Variants in RFX7 observed in about 807,000 individuals in gnomAD.
RFX7 encodes the protein regulatory factor X7.
A neutral mutation model predicts 111.8 loss-of-function variants in RFX7; 26 were observed. That is an observed-to-expected ratio of 0.23 (90% CI 0.17 to 0.32). The LOEUF (loss-of-function observed/expected upper bound fraction) is 0.32. Ranked by LOEUF, RFX7 falls within the 10% of genes least tolerant of loss-of-function variation. RFX7 has a pLI of 1.00. For missense variants in RFX7, 1,573 were observed against 1,772.9 expected (o/e 0.89, Z 2.02); for synonymous variants, 624 against 624.4 (o/e 1.00, Z 0.01).
chr15:56,222,110 C>T (rs2043432687), intron 2 of RFX7, among the ~76,000 whole-genome samples: 2 of 152,146 alleles, frequency 1.3e-5, no homozygotes, highest in Admixed American at 1.3e-4. Context: ...ATTTTGTTTA[C>T]ATTTCAGAAA....
intron 5 of RFX7, among the ~76,000 whole-genome samples, chr15:56,111,552 T>C (rs1273274771): frequency 1.3e-5 from 2 of 151,104 alleles, no homozygotes; most frequent in African/African-American, 2.4e-5. Flanking sequence ...CCAGAGACCT[T>C]TGTTCACTTG....
chr15:56,097,682 G>C (rs1277822383), intron 9 of RFX7, among the ~76,000 whole-genome samples: 1 of 135,700 alleles, frequency 7.4e-6, no homozygotes, highest in African/African-American at 2.7e-5. Context: ...AGGAGGTGGA[G>C]GTTGCAGTGA....
intron 2 of RFX7, among the ~76,000 whole-genome samples, chr15:56,232,792 C>T (rs779040549): frequency 1.1e-4 from 16 of 152,138 alleles, no homozygotes; most frequent in Admixed American, 4.6e-4. Context: ...TAAAATGCTG[C>T]CAGTATCTTT....
At chr15:56,107,685 CAG>C (rs2041850004) in intron 5 of RFX7, among the ~76,000 whole-genome samples, 1 of 152,136 alleles carries the variant, frequency 6.6e-6, no homozygotes, top group South Asian at 2.1e-4. Context: ...GGAACTTGCA[CAG>C]AGAGGTGCAC....
chr15:56,238,323 T>A (rs1037130156), intron 2 of RFX7, among the ~76,000 whole-genome samples: 12 of 152,176 alleles, frequency 7.9e-5, no homozygotes, highest in Admixed American at 6.5e-4. Context: ...CATAAGAAAG[T>A]AAAACAAAAT....
chr15:56,114,446 A>T lies in RFX7; in HGVS notation c.402-10776T>A, dbSNP rs139560857. Among the ~76,000 whole-genome samples the T allele has an allele frequency of 1.0e-3, 159 of 151,752 alleles. No homozygotes were observed. In the East Asian group the frequency reaches 0.014, roughly 13 times the overall value. ...AAAAAAACAAACAACAACAACAAAA[A>T]AACAACAGAAAAGGAAAAGAAAAAG... On this transcript the variant is annotated intron_variant, in intron 5 of 9. Coordinates refer to ENST00000559447, the MANE Select transcript of RFX7 (RefSeq NM_022841.7).
At chr15:56,115,938 G>C (rs1473461174) in intron 5 of RFX7, among the ~76,000 whole-genome samples, 2 of 139,018 alleles carry the variant, frequency 1.4e-5, no homozygotes, top group African/African-American at 2.6e-5. Context: ...GCGAGACTCC[G>C]TCTCAAAAAA....
At chr15:56,137,307 T>G (rs1365228945) in intron 5 of RFX7, among the ~76,000 whole-genome samples, 1 of 152,232 alleles carries the variant, frequency 6.6e-6, no homozygotes, top group Admixed American at 6.5e-5. Context: ...GTTATTGGTC[T>G]ATTCAGATAT....
At chr15:56,243,042 T>TCCCCCCCCCCCC in intron 2 of RFX7, 83 bp downstream of exon 2, 3 of 543,104 alleles carry the variant, frequency 5.5e-6, no homozygotes, top group Admixed American at 2.5e-5. Flanking sequence ...CCTCCTCCGC[T>TCCCCCCCCCCCC]CCCCCCGCCC....
intron 2 of RFX7, among the ~76,000 whole-genome samples, chr15:56,185,683 C>G (rs2043031087): frequency 6.6e-6 from 1 of 152,098 alleles, no homozygotes; most frequent in Non-Finnish European, 1.5e-5. Flanking sequence ...GTCTTAAGCT[C>G]TACTCTGCTG....
rs534253635 is a variant in RFX7, at chr15:56,109,689, T to C, written c.402-6019A>G. 2.0e-3 allele frequency among the ~76,000 whole-genome samples: 298 copies of C among 150,934 alleles called. 2 individuals carry two copies. The highest frequency in any genetic ancestry group is 6.2e-3 in the African/African-American group (252 of 40,954). ...TCGTCTGAGATGCGGGGAGCGCCTCTGCCCTGTCGCCCCGTCCGGGATGTG... is the reference window on the plus strand; with the variant it reads ...TCGTCTGAGATGCGGGGAGCGCCTCCGCCCTGTCGCCCCGTCCGGGATGTG... On this transcript the variant is annotated intron_variant, in intron 5 of 9. Coordinates refer to ENST00000559447, the MANE Select transcript of RFX7 (RefSeq NM_022841.7).
At position 56,093,475 on chromosome 15, in the gene RFX7, GCTT is replaced by G. The variant is rs2041622687; in HGVS notation, c.4250_4252del (p.Glu1417del). The stretch of plus-strand genomic sequence containing the variant: ...GTCATTCTTTAATTCTTCCAGTGTA[GCTT>G]CATCATCTTGTCCCTGCTGACGACC... On this transcript the variant is annotated inframe_deletion, in exon 10 of 10. Transcript: ENST00000559447. 1 of 1,613,744 alleles carries G rather than the reference GCTT, an allele frequency of 6.2e-7. No homozygotes were observed. Among genetic ancestry groups the G allele is most frequent in the South Asian group, 1.1e-5 (1 of 91,080 alleles).
In RFX7 at chr15:56,093,945, A is replaced by G. The variant is rs763560557; in HGVS notation, c.3783T>C (p.Asn1261=). 2.0e-5 allele frequency: 33 copies of G among 1,613,770 alleles called. No individual in the cohort carries two copies. Among genetic ancestry groups the G allele is most frequent in the Non-Finnish European group, 2.6e-5 (31 of 1,179,872 alleles). ...TTCCCAAACCTCTCACTGCATCATC[A>G]TTGTCGGAATCAAGTTTACTCAACA... ...NVLLSKLDSD[N]DDAVRGLGMN... is the part of the protein sequence containing the mutation. The change falls in exon 10 of 10, where the codon AAT becomes AAC. Residue 1261 remains asparagine (N), a synonymous_variant. Coordinates refer to ENST00000559447, the MANE Select transcript of RFX7 (RefSeq NM_022841.7).
At chr15:56,119,850 T>C (rs2042053704) in intron 5 of RFX7, among the ~76,000 whole-genome samples, 1 of 151,954 alleles carries the variant, frequency 6.6e-6, no homozygotes, top group South Asian at 2.1e-4. Flanking sequence ...GGGTTCTCTA[T>C]TCTGTTCTTT....
chr15:56,147,416 C>G (rs2042493474), intron 3 of RFX7, among the ~76,000 whole-genome samples: 1 of 151,984 alleles, frequency 6.6e-6, no homozygotes, highest in Non-Finnish European at 1.5e-5. Flanking sequence ...TTAGTGTTTC[C>G]CAGAGGCAGA....
chr15:56,243,295 G>T lies in RFX7; in HGVS notation c.-2-8C>A. 1 of 1,187,686 alleles carries T rather than the reference G, an allele frequency of 8.4e-7. No individual in the cohort carries two copies. Among genetic ancestry groups the T allele is most frequent in the Non-Finnish European group, 1.1e-6 (1 of 925,608 alleles). The allele number at this position is 1,187,686 out of a possible 1,614,324, so 73.6% of individuals were successfully genotyped here. ...GTTGTTCCTCTGCCATCGCTGCAGAGGGGTGGGAGGGAGGGAGGGAAAGAT... is the reference window on the plus strand; with the variant it reads ...GTTGTTCCTCTGCCATCGCTGCAGATGGGTGGGAGGGAGGGAGGGAAAGAT... On this transcript the variant is annotated splice_region_variant and splice_polypyrimidine_tract_variant and intron_variant, in intron 1 of 9. Transcript: ENST00000559447.
At chr15:56,180,788 G>C (rs1385056733) in intron 2 of RFX7, among the ~76,000 whole-genome samples, 1 of 149,978 alleles carries the variant, frequency 6.7e-6, no homozygotes, top group Non-Finnish European at 1.5e-5. Context: ...ATGGTGGCTT[G>C]CACCTGTAGT....
intron 2 of RFX7, among the ~76,000 whole-genome samples, chr15:56,237,928 G>C (rs2043643146): frequency 6.6e-6 from 1 of 152,098 alleles, no homozygotes; most frequent in African/African-American, 2.4e-5. Context: ...GCTTGGTATT[G>C]AAGACAGGCT....
rs151140811 is a variant in RFX7 at position 56,124,370 on chromosome 15, C to T, written c.401+18408G>A. 7.3e-3 allele frequency among the ~76,000 whole-genome samples: 1,109 copies of T among 150,934 alleles called. 13 individuals are homozygous for T. The highest frequency in any genetic ancestry group is 0.025 in the African/African-American group (1,038 of 41,036). On this transcript the variant is annotated intron_variant, in intron 5 of 9. Transcript: ENST00000559447. ...CCAGGAGGCGGAGCTTGCAGTGAGCCGAGATCGTGCCACTCCACTCCAGCC... is the reference window on the plus strand; with the variant it reads ...CCAGGAGGCGGAGCTTGCAGTGAGCTGAGATCGTGCCACTCCACTCCAGCC...
Sources: allele counts gnomAD v4.1 joint callset (sites outside exome capture counted in the v4.1 genomes callset), GRCh38; gene constraint gnomAD v4.1.1; transcripts MANE v1.5; gene names NCBI Gene and HGNC (gene_info 2026-07-23, HGNC 2026-07-21).